NCKAP5: variants seen among roughly 807,000 people sequenced by gnomAD.
The protein encoded by NCKAP5 is NCK associated protein 5, also known as nck-associated protein 5.
Under a neutral mutation model 167.0 loss-of-function variants are expected in NCKAP5, and 92 were observed. The observed-to-expected ratio is 0.55, with a 90% confidence interval of 0.47 to 0.66. The LOEUF (loss-of-function observed/expected upper bound fraction) is 0.66, where lower values mean the gene tolerates loss of function less well. Among genes scored for constraint, NCKAP5 ranks in the 30% least tolerant of loss-of-function variants. The probability of loss-of-function intolerance (pLI) is 0.00; values close to 1 mark genes in which losing one functional copy is unlikely to be tolerated. For synonymous variants in NCKAP5, 891 were observed against 877.4 expected (o/e 1.02, Z -0.27); for missense variants, 2,378 against 2,315.0 (o/e 1.03, Z -0.56).
chr2:132,850,872 G>A (rs1024716988), intron 11 of NCKAP5, among the ~76,000 whole-genome samples: 4 of 152,120 alleles, frequency 2.6e-5, no homozygotes, highest in Admixed American at 1.3e-4. Flanking sequence ...AGGCAGTGGT[G>A]ACATGTTTGT....
chr2:133,323,804 G>A (rs999046555), intron 3 of NCKAP5, among the ~76,000 whole-genome samples: 3 of 152,164 alleles, frequency 2.0e-5, no homozygotes, highest in Admixed American at 2.0e-4. Flanking sequence ...TAAAGGCTGA[G>A]GCTCTGTGGA....
intron 4 of NCKAP5, among the ~76,000 whole-genome samples, chr2:133,223,195 T>C (rs2086728211): frequency 6.6e-6 from 1 of 152,198 alleles, no homozygotes; most frequent in South Asian, 2.1e-4. Flanking sequence ...TATATTGAAA[T>C]TAGATAGATG....
At chr2:133,431,950 G>C (rs947814710) in intron 3 of NCKAP5, 1 of 152,142 alleles carries the variant, frequency 6.6e-6, no homozygotes, top group Admixed American at 6.6e-5. Flanking sequence ...CCATGGAAGA[G>C]AGGGTCCCAT....
At chr2:133,646,366 G>A in the NCKAP5 span, among the ~76,000 whole-genome samples, 25 of 151,984 alleles carry the variant, frequency 1.6e-4, no homozygotes, top group African/African-American at 6.0e-4. Flanking sequence ...ACATACAAGG[G>A]AAACTTTTAT....
intron 6 of NCKAP5, among the ~76,000 whole-genome samples, chr2:133,086,844 G>T (rs1016615517): frequency 6.6e-6 from 1 of 152,102 alleles, no homozygotes; most frequent in Non-Finnish European, 1.5e-5. Flanking sequence ...AACATTGGGG[G>T]CAAGAAGGAG....
chr2:133,122,564 G>A (rs1015080197), intron 6 of NCKAP5: 1 of 152,180 alleles, frequency 6.6e-6, no homozygotes, highest in Non-Finnish European at 1.5e-5. Flanking sequence ...TTGGTTATAT[G>A]TTCACAGCAG....
intron 3 of NCKAP5, among the ~76,000 whole-genome samples, chr2:133,509,372 A>G (rs1231565636): frequency 6.6e-6 from 1 of 152,200 alleles, no homozygotes; most frequent in Non-Finnish European, 1.5e-5. Context: ...CTTTACACAC[A>G]CACACTAGAA....
At chr2:132,970,867 G>A (rs1370947917) in intron 7 of NCKAP5, among the ~76,000 whole-genome samples, 1 of 152,174 alleles carries the variant, frequency 6.6e-6, no homozygotes, top group Non-Finnish European at 1.5e-5. Flanking sequence ...GCTCTTCATG[G>A]ATGGCCAGCT....
At chr2:133,377,855 C>A (rs960869795) in intron 3 of NCKAP5, among the ~76,000 whole-genome samples, 3 of 152,158 alleles carry the variant, frequency 2.0e-5, no homozygotes, top group African/African-American at 4.8e-5. Context: ...GAGGGCTAAG[C>A]CCCAAACTGG....
chr2:133,073,538 C>T (rs1464318907), intron 6 of NCKAP5, among the ~76,000 whole-genome samples: 1 of 152,106 alleles, frequency 6.6e-6, no homozygotes, highest in Non-Finnish European at 1.5e-5. Flanking sequence ...AGAGCTAAGC[C>T]AACACTGGAA....
intron 12 of NCKAP5, 135 bp from the exon 13 acceptor site, chr2:132,790,340 G>T: frequency 1.3e-6 from 1 of 767,528 alleles, no homozygotes; most frequent in Non-Finnish European, 2.1e-6. Context: ...TAAACCCATG[G>T]TAACTGGAAA....
At position 133,446,578 on chromosome 2, in the gene NCKAP5, C is replaced by T. The variant is rs1050642397; in HGVS notation, c.69+70880G>A. 4.6e-5 allele frequency among the ~76,000 whole-genome samples: 7 copies of T among 152,128 alleles called. No homozygotes were observed. In the South Asian group the frequency reaches 8.3e-4, roughly 18 times the overall value. ...TGAGGGAGGGAGAGGGAGACCAGGCCGCCTGGTCCCAGAAGTCGTGTGTAT... is the reference window on the plus strand; with the variant it reads ...TGAGGGAGGGAGAGGGAGACCAGGCTGCCTGGTCCCAGAAGTCGTGTGTAT... On this transcript the variant is annotated intron_variant, in intron 3 of 19. Coordinates refer to ENST00000409261, the MANE Select transcript of NCKAP5 (RefSeq NM_207363.3).
At chr2:133,154,548 A>G (rs1402365753) in intron 5 of NCKAP5, among the ~76,000 whole-genome samples, 2 of 152,230 alleles carry the variant, frequency 1.3e-5, no homozygotes, top group Non-Finnish European at 1.5e-5. Context: ...TGGCTTAGGT[A>G]TTTGACATGC....
Position 132,784,957 on chromosome 2 carries a change from A to G in NCKAP5, c.1854T>C (p.Asp618=). The change falls in exon 14 of 20, where the codon GAT becomes GAC. Residue 618 remains aspartate, a synonymous_variant. Coordinates refer to ENST00000409261, the MANE Select transcript of NCKAP5 (RefSeq NM_207363.3). ...ADTDKSVENL[D]VLVGFGKSLC... is the part of the protein sequence containing the mutation. The stretch of plus-strand genomic sequence containing the variant: ...GAGATTTTCCAAACCCCACAAGGAC[A>G]TCCAGGTTCTCCACGGACTTATCGG... 6.2e-7 allele frequency: 1 copy of G among 1,611,016 alleles called. No individual in the cohort carries two copies. The highest frequency in any genetic ancestry group is 8.5e-7 in the Non-Finnish European group (1 of 1,178,368).
At chr2:133,633,915 A>G in the NCKAP5 span, among the ~76,000 whole-genome samples, 9 of 152,194 alleles carry the variant, frequency 5.9e-5, no homozygotes, top group Non-Finnish European at 1.0e-4. Context: ...GTCTAAGATA[A>G]GAGATCATTG....
intron 3 of NCKAP5, among the ~76,000 whole-genome samples, chr2:133,347,312 G>T (rs1236084353): frequency 1.3e-5 from 2 of 152,056 alleles, no homozygotes; most frequent in African/African-American, 2.4e-5. Flanking sequence ...CCAGCACTTT[G>T]GGAGGCCAAG....
At chr2:133,197,896 G>A (rs1217178012) in intron 5 of NCKAP5, among the ~76,000 whole-genome samples, 1 of 152,104 alleles carries the variant, frequency 6.6e-6, no homozygotes, top group African/African-American at 2.4e-5. Context: ...ATTGCAGTGA[G>A]CCAAGATCGT....
At chr2:132,780,341 G>A (rs1053619061) in intron 15 of NCKAP5, among the ~76,000 whole-genome samples, 10 of 152,080 alleles carry the variant, frequency 6.6e-5, no homozygotes, top group African/African-American at 2.4e-4. Flanking sequence ...TAATAGAGAC[G>A]GGGTTTCACC....
At chr2:133,671,072 G>A in the NCKAP5 span, among the ~76,000 whole-genome samples, 1 of 151,936 alleles carries the variant, frequency 6.6e-6, no homozygotes, top group Admixed American at 6.6e-5. Context: ...AAAATTAGCT[G>A]GGCGTGGTGG....
Sources: gnomAD v4.1 joint callset for allele counts (sites outside exome capture counted in the v4.1 genomes callset) on GRCh38, gnomAD v4.1.1 for gene constraint, MANE v1.5 for transcripts, NCBI Gene and HGNC (gene_info 2026-07-23, HGNC 2026-07-21) for gene names.